MAST4: variants seen among roughly 807,000 people sequenced by gnomAD.
The protein encoded by MAST4 is microtubule-associated serine/threonine-protein kinase 4.
MAST4 carries 89 observed loss-of-function variants against 162.7 expected under a neutral mutation model. The ratio of observed to expected loss-of-function variants is 0.55; its 90% CI spans 0.46 to 0.65. The LOEUF is 0.65. Ranked by LOEUF, MAST4 falls within the 30% of genes least tolerant of loss-of-function variation. The pLI, the probability that MAST4 is intolerant of heterozygous loss-of-function variation, is 0.00. For synonymous variants in MAST4, 1,479 were observed against 1,361.1 expected (o/e 1.09, Z -1.91); for missense variants, 3,153 against 3,374.0 (o/e 0.93, Z 1.62).
At chr5:67,054,513 GA>G (rs1467188404) in intron 5 of MAST4, 21 bp downstream of exon 5, 2 of 1,575,348 alleles carry the variant, frequency 1.3e-6, no homozygotes, top group African/African-American at 2.7e-5. Context: ...ACCATTTCTT[GA>G]GTTTTGTTTT....
At chr5:67,120,991 T>G in intron 13 of MAST4, 26 bp from the exon 14 acceptor site, 1 of 1,531,584 alleles carries the variant, frequency 6.5e-7, no homozygotes, top group East Asian at 2.3e-5. Flanking sequence ...TAAACTACTT[T>G]TTAACTTCCA....
chr5:66,647,037 A>G (rs1745885330), intron 1 of MAST4, among the ~76,000 whole-genome samples: 1 of 152,096 alleles, frequency 6.6e-6, no homozygotes, highest in South Asian at 2.1e-4. Context: ...TATAACATCC[A>G]TTGGTTTTCC....
Position 67,163,665 on chromosome 5 carries a change from G to A in MAST4, c.4486G>A (p.Val1496Met), listed in dbSNP as rs775035801. The A allele has an allele frequency of 1.1e-5, 18 of 1,608,224 alleles. No homozygotes were observed. The Middle Eastern group carries it at 8.2e-4, about 74-fold the overall frequency. The change falls in exon 29 of 29, where the codon GTG becomes ATG. Residue 1496 changes from valine to methionine, a missense_variant. Coordinates refer to ENST00000403625, the MANE Select transcript of MAST4 (RefSeq NM_001164664.2). The surrounding 1 kb of genome is among the most constrained non-coding windows in gnomAD (Gnocchi z 7.0). ...GAGCCTGGATGAGAACGTGTGCGAC[G>A]TGCCGCCGCTCAGCCGCGCCCGGCC... ...LQSLDENVCD[V>M]PPLSRARPVE...
At chr5:66,941,790 C>T (rs1743400254) in intron 4 of MAST4, among the ~76,000 whole-genome samples, 1 of 152,108 alleles carries the variant, frequency 6.6e-6, no homozygotes, top group Non-Finnish European at 1.5e-5. Context: ...ATGTGTGTCT[C>T]TTCCATTTTC....
chr5:66,808,896 G>T (rs72761254), intron 3 of MAST4, among the ~76,000 whole-genome samples: 14,798 of 152,142 alleles, frequency 0.097, 1,041 homozygotes, highest in Non-Finnish European at 0.15. Context: ...CCCTGCCTTC[G>T]TGGAAATTAA....
intron 5 of MAST4, among the ~76,000 whole-genome samples, chr5:67,069,833 C>G (rs906420981): frequency 6.6e-6 from 1 of 150,920 alleles, no homozygotes; most frequent in African/African-American, 2.4e-5. Context: ...CCAGAGTGAC[C>G]GGCCAGTGTC....
intron 3 of MAST4, among the ~76,000 whole-genome samples, chr5:66,809,193 G>A (rs1756354952): frequency 6.6e-6 from 1 of 152,200 alleles, no homozygotes; most frequent in Non-Finnish European, 1.5e-5. Flanking sequence ...CAGACAGTTG[G>A]CTTTGGACTC....
chr5:66,850,389 G>A (rs1278664356), intron 3 of MAST4, among the ~76,000 whole-genome samples: 4 of 152,170 alleles, frequency 2.6e-5, no homozygotes, highest in East Asian at 1.9e-4. Context: ...TTGTTTGTTC[G>A]CTCTGTCTGT....
At chr5:67,088,916 A>G (rs908289064) in intron 5 of MAST4, among the ~76,000 whole-genome samples, 1 of 152,216 alleles carries the variant, frequency 6.6e-6, no homozygotes, top group Non-Finnish European at 1.5e-5. Context: ...AGCCAGTCCA[A>G]AAGTCCTCAA....
chr5:66,837,894 A>ATTTTTTTTT (rs754095073), intron 3 of MAST4, among the ~76,000 whole-genome samples: 1 of 53,710 alleles, frequency 1.9e-5, no homozygotes, highest in Non-Finnish European at 3.0e-5. Context: ...ATATATATAT[A>ATTTTTTTTT]TTTTTTTTTT....
chr5:67,082,055 C>T (rs1437132357), intron 5 of MAST4, among the ~76,000 whole-genome samples: 1 of 152,066 alleles, frequency 6.6e-6, no homozygotes, highest in Non-Finnish European at 1.5e-5. Flanking sequence ...CATGATATTG[C>T]TCCCCCACAA....
At position 67,104,593 on chromosome 5, in the gene MAST4, T is replaced by C. The variant is rs1323546688; in HGVS notation, c.1356+18T>C. On this transcript the variant is annotated intron_variant, in intron 10 of 28. Transcript: ENST00000403625. Reference sequence around the variant, plus strand: ...TACAGGAGGTAAGAACCATGTACCATATAGTTTTCTGATTTATTTTGCTTT... The same window carrying C: ...TACAGGAGGTAAGAACCATGTACCACATAGTTTTCTGATTTATTTTGCTTT... 6.3e-7 allele frequency: 1 copy of C among 1,596,000 alleles called. No individual in the cohort carries two copies. Among genetic ancestry groups the C allele is most frequent in the Admixed American group, 1.7e-5 (1 of 57,916 alleles).
chr5:66,722,834 C>T (rs928711053), intron 1 of MAST4, among the ~76,000 whole-genome samples: 1 of 152,010 alleles, frequency 6.6e-6, no homozygotes, highest in Admixed American at 6.6e-5. Context: ...GGAGAGGTGT[C>T]TGGGGAGAGA....
intron 3 of MAST4, among the ~76,000 whole-genome samples, chr5:66,818,442 C>A (rs1455412017): frequency 6.7e-6 from 1 of 148,610 alleles, no homozygotes; most frequent in African/African-American, 2.4e-5. Context: ...AAAAAAAAAA[C>A]AGAACAGATT....
chr5:67,087,197 T>C (rs1763334230), intron 5 of MAST4, among the ~76,000 whole-genome samples: 1 of 152,210 alleles, frequency 6.6e-6, no homozygotes, highest in Non-Finnish European at 1.5e-5. Context: ...GTCAGTCATT[T>C]TCCCAATCTA....
At chr5:66,781,763 C>G (rs115905792) in intron 2 of MAST4, among the ~76,000 whole-genome samples, 223 of 152,222 alleles carry the variant, frequency 1.5e-3, no homozygotes, top group South Asian at 5.2e-3. Flanking sequence ...AAAAATCACC[C>G]AAAATTTAAG....
At chr5:66,997,240 G>GTA (rs936608650) in intron 4 of MAST4, among the ~76,000 whole-genome samples, 8 of 151,906 alleles carry the variant, frequency 5.3e-5, no homozygotes, top group African/African-American at 1.9e-4. Flanking sequence ...CCTACTACAT[G>GTA]TATATATATG....
intron 1 of MAST4, among the ~76,000 whole-genome samples, chr5:66,654,164 A>G (rs1057332493): frequency 1.3e-5 from 2 of 152,210 alleles, no homozygotes; most frequent in Admixed American, 6.5e-5. Context: ...AATAGGGGCT[A>G]CAGATGGGAT....
chr5:66,609,705 GTTTTTTT>G (rs77135146), intron 1 of MAST4, among the ~76,000 whole-genome samples: 1 of 106,748 alleles, frequency 9.4e-6, no homozygotes, highest in African/African-American at 3.0e-5. Flanking sequence ...TTTTTTTTTT[GTTTTTTT>G]TTTTTTGTTT....
Sources: allele counts gnomAD v4.1 joint callset (sites outside exome capture counted in the v4.1 genomes callset), GRCh38; gene constraint gnomAD v4.1.1; non-coding constraint Gnocchi (gnomAD v3.1); transcripts MANE v1.5; gene names NCBI Gene and HGNC (gene_info 2026-07-23, HGNC 2026-07-21).